Variants in TBL1Y observed in about 807,000 individuals in gnomAD.
The protein encoded by TBL1Y is F-box-like/WD repeat-containing protein TBL1Y.
TBL1Y carries 15 observed loss-of-function variants against 12.0 expected under a neutral mutation model. The ratio of observed to expected loss-of-function variants is 1.25; its 90% CI spans 0.83 to 1.92. TBL1Y has a LOEUF of 1.92. TBL1Y is among the 40% of genes most tolerant of loss of function. TBL1Y has a pLI of 0.00. For synonymous variants in TBL1Y, 53 were observed against 42.6 expected, an observed-to-expected ratio of 1.24 and a Z score of -0.95; for missense variants, 148 against 116.7, an observed-to-expected ratio of 1.27 and a Z score of -1.24.
intron 14 of TBL1Y, among the ~76,000 whole-genome samples, chrY:7,082,057 A>G: frequency 6.1e-5 from 2 of 32,781 alleles, no homozygotes; most frequent in Non-Finnish European, 1.5e-4. Flanking sequence ...ATGTGTGCAT[A>G]ATGGGGAAAG....
chrY:7,064,242 T>C, intron 8 of TBL1Y, 93 bp downstream of exon 8: 7 of 274,853 alleles, frequency 2.5e-5, no homozygotes, highest in African/African-American at 7.1e-5. Context: ...CTTAAAAACC[T>C]ACCTGATATA....
intron 15 of TBL1Y, 25 bp from the exon 16 acceptor site, chrY:7,086,265 A>T: frequency 2.6e-6 from 1 of 385,464 alleles, no homozygotes; most frequent in Non-Finnish European, 3.6e-6. Context: ...GCTTTTGCTC[A>T]TGTTGTGGCC....
At chrY:7,088,117 C>A (rs969812440) in intron 17 of TBL1Y, among the ~76,000 whole-genome samples, 6 of 32,544 alleles carry the variant, frequency 1.8e-4, no homozygotes, top group Admixed American at 1.7e-3. Context: ...AGGAGAATCC[C>A]ACTAAAAAGA....
intron 7 of TBL1Y, among the ~76,000 whole-genome samples, chrY:7,047,106 G>A (rs926904816): frequency 3.0e-5 from 1 of 33,260 alleles, no homozygotes; most frequent in Non-Finnish European, 7.4e-5. Flanking sequence ...CCCAAAGCCC[G>A]AGGTCCCAAA....
In TBL1Y at chrY:6,922,830, C is replaced by G. The variant is rs774683389; in HGVS notation, c.-266+10658C>G. Among the ~76,000 whole-genome samples the G allele has an allele frequency of 3.1e-4, 11 of 35,058 alleles. No individual in the cohort carries two copies. The South Asian group carries it at 6.9e-3, about 22-fold the overall frequency. 94.1% of individuals were successfully genotyped at this position (35,058 alleles called of 37,273 possible). A position where few individuals can be genotyped will look rare whatever the true frequency, so the allele number is the denominator to read the frequency against. The stretch of plus-strand genomic sequence containing the variant: ...GGCAGCCCAGAGGGAGCCTACTCCC[C>G]CGACGAAGCCCGGCAGGTGCCGGCC... On this transcript the variant is annotated intron_variant, in intron 2 of 18. Transcript: ENST00000383032.
intron 7 of TBL1Y, among the ~76,000 whole-genome samples, chrY:7,045,330 T>C: frequency 3.0e-5 from 1 of 33,666 alleles, no homozygotes; most frequent in African/African-American, 1.2e-4. Context: ...GAGGATACAT[T>C]GGTTCCTTGG....
chrY:7,013,476 T>C (rs2012531151), intron 4 of TBL1Y, among the ~76,000 whole-genome samples: 3 of 34,777 alleles, frequency 8.6e-5, no homozygotes, highest in African/African-American at 3.3e-4. Context: ...TCCTTTGGTC[T>C]GTATGCTTTT....
intron 7 of TBL1Y, among the ~76,000 whole-genome samples, chrY:7,062,552 C>G: frequency 3.0e-5 from 1 of 33,392 alleles, no homozygotes; most frequent in Non-Finnish European, 7.4e-5. Flanking sequence ...CATCTTTATC[C>G]TCCCTGCTCC....
chrY:6,918,743 G>A, intron 2 of TBL1Y: 2 of 32,268 alleles, frequency 6.2e-5, no homozygotes, highest in African/African-American at 1.2e-4. Flanking sequence ...TATAATGCTT[G>A]GAGCCCAATA....
chrY:6,970,157 C>G (rs2012198069), intron 2 of TBL1Y, among the ~76,000 whole-genome samples: 1 of 33,251 alleles, frequency 3.0e-5, no homozygotes, highest in Admixed American at 2.8e-4. Flanking sequence ...AACCACTATT[C>G]CAGTCTCTGC....
At chrY:7,046,483 G>A (rs2124164150) in intron 7 of TBL1Y, among the ~76,000 whole-genome samples, 1 of 33,951 alleles carries the variant, frequency 2.9e-5, no homozygotes, top group South Asian at 6.6e-4. Context: ...CTATTATTTA[G>A]CATAACTTTC....
intron 7 of TBL1Y, among the ~76,000 whole-genome samples, chrY:7,046,837 T>C (rs914979201): frequency 2.3e-4 from 8 of 34,136 alleles, no homozygotes; most frequent in African/African-American, 9.1e-4. Context: ...CAAAAATAAA[T>C]GTATGTCCTG....
At chrY:6,998,252 T>A in intron 4 of TBL1Y, among the ~76,000 whole-genome samples, 1 of 33,755 alleles carries the variant, frequency 3.0e-5, no homozygotes, top group African/African-American at 1.2e-4. Flanking sequence ...GAATAGCTCC[T>A]GTTGAGTCCG....
At chrY:6,940,467 C>G in intron 2 of TBL1Y, among the ~76,000 whole-genome samples, 1 of 31,721 alleles carries the variant, frequency 3.2e-5, no homozygotes, top group East Asian at 8.5e-4. Flanking sequence ...TCCCAAAGTG[C>G]TGGGATTACA....
At chrY:7,062,298 G>A in intron 7 of TBL1Y, among the ~76,000 whole-genome samples, 3 of 33,880 alleles carry the variant, frequency 8.9e-5, no homozygotes, top group East Asian at 7.9e-4. Flanking sequence ...AACAAAGGGC[G>A]TAGCCTACTT....
chrY:7,018,522 A>G (rs2124149053), intron 4 of TBL1Y, among the ~76,000 whole-genome samples: 1 of 33,276 alleles, frequency 3.0e-5, no homozygotes, highest in Non-Finnish European at 7.4e-5. Context: ...TAAACATCAA[A>G]ATACAGTAAT....
intron 6 of TBL1Y, among the ~76,000 whole-genome samples, chrY:7,038,374 T>C: frequency 3.1e-5 from 1 of 32,612 alleles, no homozygotes; most frequent in Non-Finnish European, 7.4e-5. Context: ...CACAATCGCA[T>C]GGAAAGAGTG....
At chrY:7,018,836 G>C (rs2012567367) in intron 4 of TBL1Y, among the ~76,000 whole-genome samples, 1 of 33,484 alleles carries the variant, frequency 3.0e-5, no homozygotes, top group African/African-American at 1.2e-4. Flanking sequence ...GAGCAGGCCT[G>C]GTGGAATCAT....
intron 12 of TBL1Y, 37 bp from the exon 13 acceptor site, chrY:7,074,523 A>G: frequency 2.6e-6 from 1 of 385,581 alleles, no homozygotes; most frequent in Non-Finnish European, 3.7e-6. Flanking sequence ...ACTTTGTGGG[A>G]GTAATTACTA....
Sources: allele counts gnomAD v4.1 joint callset (sites outside exome capture counted in the v4.1 genomes callset), GRCh38; gene constraint gnomAD v4.1.1; transcripts MANE v1.5; gene names NCBI Gene and HGNC (gene_info 2026-07-23, HGNC 2026-07-21).